VEZT: variants seen among roughly 807,000 people sequenced by gnomAD.
The protein encoded by VEZT is vezatin.
VEZT carries 39 observed loss-of-function variants against 79.9 expected under a neutral mutation model. The ratio of observed to expected loss-of-function variants is 0.49; its 90% CI spans 0.38 to 0.64. VEZT has a LOEUF of 0.64. Ranked by LOEUF, VEZT falls within the 30% of genes least tolerant of loss-of-function variation. VEZT has a pLI of 0.00. For missense variants in VEZT, 837 were observed against 893.1 expected, an observed-to-expected ratio of 0.94 and a Z score of 0.80; for synonymous variants, 325 against 327.6, an observed-to-expected ratio of 0.99 and a Z score of 0.09.
chr12:95,248,832 AAAAAAAG>A (rs1411863227), intron 1 of VEZT, among the ~76,000 whole-genome samples: 1 of 151,678 alleles, frequency 6.6e-6, no homozygotes. Flanking sequence ...AAAAAAAAAA[AAAAAAAG>A]AAAGAAAGAA....
At chr12:95,229,384 A>C (rs1297273647) in intron 1 of VEZT, among the ~76,000 whole-genome samples, 1 of 152,186 alleles carries the variant, frequency 6.6e-6, no homozygotes, top group African/African-American at 2.4e-5. Context: ...TTTTAAAAGC[A>C]TTGTGGAAAG....
intron 1 of VEZT, among the ~76,000 whole-genome samples, chr12:95,236,393 G>A (rs1228340598): frequency 6.6e-6 from 1 of 152,112 alleles, no homozygotes; most frequent in Non-Finnish European, 1.5e-5. Context: ...GCTTCGGCTC[G>A]GCATCAGAGG....
At chr12:95,259,386 G>C (rs1445238808) in intron 3 of VEZT, among the ~76,000 whole-genome samples, 1 of 152,104 alleles carries the variant, frequency 6.6e-6, no homozygotes, top group Non-Finnish European at 1.5e-5. Context: ...TTATTGCATA[G>C]ATAGTGACAA....
intron 1 of VEZT, among the ~76,000 whole-genome samples, chr12:95,240,985 A>T (rs2060932754): frequency 6.6e-6 from 1 of 152,014 alleles, no homozygotes; most frequent in Non-Finnish European, 1.5e-5. Context: ...TACACACTAG[A>T]TACCAGTAGC....
rs2140018437 is a variant in VEZT at position 95,301,204 on chromosome 12, A to G, written c.*531A>G. The G allele has an allele frequency of 1.3e-5, 2 of 152,356 alleles. No individual in the cohort carries two copies. The highest frequency in any genetic ancestry group is 4.1e-4 in the South Asian group (2 of 4,830). The allele number at this position is 152,356 out of a possible 1,614,324, so 9.4% of individuals were successfully genotyped here. A position where few individuals can be genotyped will look rare whatever the true frequency, so the allele number is the denominator to read the frequency against. On this transcript the variant is annotated 3_prime_UTR_variant, in exon 12 of 12. Transcript: ENST00000436874. ...TGTGCTGGGGTTTGGAACTAAAAGT[A>G]GTTTCAACAGTGCGTGGGTTATGAC...
At position 95,296,238 on chromosome 12, in the gene VEZT, A is replaced by G; in HGVS notation, c.1811A>G (p.Gln604Arg). 4 of 1,584,268 alleles carry G rather than the reference A, an allele frequency of 2.5e-6. No individual in the cohort carries two copies. Among genetic ancestry groups the G allele is most frequent in the Non-Finnish European group, 3.4e-6 (4 of 1,164,282 alleles). ...GAGGCAGAAAGGCAGAAGTGGAAGCAACTTCTATTTAGTGATCATGGTAAG... is the reference window on the plus strand; with the variant it reads ...GAGGCAGAAAGGCAGAAGTGGAAGCGACTTCTATTTAGTGATCATGGTAAG... ...ASEAERQKWK[Q>R]LLFSDHAVLK... Residue 604 changes from glutamine (Q) to arginine (R), a missense_variant, in exon 11 of 12, where the codon CAA (glutamine) becomes CGA (arginine). Physicochemically the swap from Gln to Arg is conservative, Grantham distance 43 (BLOSUM62 1). Coordinates refer to ENST00000436874, the MANE Select transcript of VEZT (RefSeq NM_017599.4).
intron 3 of VEZT, 104 bp downstream of exon 3, chr12:95,257,343 T>C (rs1353798810): frequency 4.6e-6 from 4 of 862,836 alleles, no homozygotes; most frequent in Non-Finnish European, 5.3e-6. Context: ...AGCAATTGAT[T>C]TTTACTAGAG....
intron 1 of VEZT, among the ~76,000 whole-genome samples, chr12:95,245,796 A>G (rs1368704204): frequency 6.6e-6 from 1 of 152,232 alleles, no homozygotes; most frequent in African/African-American, 2.4e-5. Context: ...CCAGAGAAAC[A>G]TAGCAAGACC....
chr12:95,270,119 A>G lies in VEZT; in HGVS notation c.779A>G (p.Lys260Arg). The G allele has an allele frequency of 6.2e-7, 1 of 1,612,098 alleles. No homozygotes were observed. The highest frequency in any genetic ancestry group is 8.5e-7 in the Non-Finnish European group (1 of 1,179,172). ...AGTCAGCATCTCATCGGTCTTCGGA[A>G]AGCTGTCTACCGAACTCTAAGAGCC... ...HPSQHLIGLR[K>R]AVYRTLRANF... The change falls in exon 6 of 12, where the codon AAA (lysine) becomes AGA (arginine). Residue 260 changes from lysine to arginine, a missense_variant. By Grantham distance (26) the Lys-to-Arg change is conservative (BLOSUM62 2). Coordinates refer to ENST00000436874, the MANE Select transcript of VEZT (RefSeq NM_017599.4).
intron 1 of VEZT, among the ~76,000 whole-genome samples, chr12:95,232,857 G>A (rs1299210012): frequency 1.3e-5 from 2 of 152,180 alleles, no homozygotes; most frequent in Non-Finnish European, 2.9e-5. Flanking sequence ...CCAGGCTGGA[G>A]TGCAGTGACG....
At chr12:95,245,286 G>A (rs917311494) in intron 1 of VEZT, among the ~76,000 whole-genome samples, 5 of 152,064 alleles carry the variant, frequency 3.3e-5, no homozygotes, top group African/African-American at 4.8e-5. Flanking sequence ...AGTGTCGTGA[G>A]TTTTGTTTTA....
chr12:95,253,395 C>T (rs1042591219), intron 2 of VEZT, among the ~76,000 whole-genome samples: 2 of 152,066 alleles, frequency 1.3e-5, no homozygotes, highest in African/African-American at 4.8e-5. Context: ...TGACTAACAC[C>T]CAGAAGGTGA....
intron 1 of VEZT, among the ~76,000 whole-genome samples, chr12:95,227,947 ATCTTTTAC>A (rs1332506792): frequency 2.6e-5 from 4 of 152,178 alleles, no homozygotes; most frequent in Admixed American, 6.5e-5. Flanking sequence ...TATTAAAGGG[ATCTTTTAC>A]TCAAATCTCT....
rs191082398 is a variant in VEZT at position 95,233,333 on chromosome 12, C to T, written c.36+15447C>T. Among the ~76,000 whole-genome samples the T allele has an allele frequency of 1.4e-3, 220 of 152,138 alleles. 1 individual carries two copies. The highest frequency in any genetic ancestry group is 4.9e-3 in the African/African-American group (204 of 41,520). On this transcript the variant is annotated intron_variant, in intron 1 of 11. Transcript: ENST00000436874. Reference sequence around the variant, plus strand: ...ATCCCCCTTTTCCTTTGCAGGTCCACCTTTCTCCACAGAAGTACCACTGTA... The same window carrying T: ...ATCCCCCTTTTCCTTTGCAGGTCCATCTTTCTCCACAGAAGTACCACTGTA...
chr12:95,265,296 T>C (rs2065324738), intron 4 of VEZT, among the ~76,000 whole-genome samples: 1 of 151,988 alleles, frequency 6.6e-6, no homozygotes, highest in Admixed American at 6.6e-5. Context: ...AGTATAAAAG[T>C]ACAAACCTTG....
In VEZT at chr12:95,279,615, C is replaced by T. The variant is rs1593935797; in HGVS notation, c.997-2698C>T. On this transcript the variant is annotated intron_variant, in intron 7 of 11. Coordinates refer to ENST00000436874, the MANE Select transcript of VEZT (RefSeq NM_017599.4). ...TGGATGACAAATTAGTCTTTAGAGA[C>T]AAGGTCTTGCTCAGTCACACAGCTG... 2.0e-5 allele frequency among the ~76,000 whole-genome samples: 3 copies of T among 152,304 alleles called. No individual in the cohort carries two copies. In the South Asian group the frequency reaches 6.2e-4, roughly 32 times the overall value.
intron 7 of VEZT, among the ~76,000 whole-genome samples, chr12:95,276,485 G>T (rs998862161): frequency 6.6e-6 from 1 of 151,748 alleles, no homozygotes; most frequent in Non-Finnish European, 1.5e-5. Flanking sequence ...GCCCAGGCTG[G>T]TCTAAAACTC....
intron 11 of VEZT, chr12:95,299,778 G>T (rs1218146723): frequency 6.5e-6 from 1 of 154,088 alleles, no homozygotes; most frequent in African/African-American, 2.4e-5. Context: ...AATATAGCTG[G>T]TCCCTACTCC....
chr12:95,300,489 A>G lies in VEZT; in HGVS notation c.2156A>G (p.Gln719Arg). 6.2e-7 allele frequency: 1 copy of G among 1,614,006 alleles called. No individual in the cohort carries two copies. Among genetic ancestry groups the G allele is most frequent in the Non-Finnish European group, 8.5e-7 (1 of 1,179,894 alleles). ...TAPPTPRDSLQPSIKQRLARL... is the reference protein window; with the variant it reads ...TAPPTPRDSLRPSIKQRLARL... ...CCTCCAACTCCCAGGGACTCATTAC[A>G]GCCCTCCATTAAGCAGAGGCTGGCA... The change falls in exon 12 of 12, where the codon CAG (glutamine) becomes CGG (arginine). Residue 719 changes from glutamine to arginine, a missense_variant. Transcript: ENST00000436874.
Sources: gnomAD v4.1 joint callset for allele counts (sites outside exome capture counted in the v4.1 genomes callset) on GRCh38, gnomAD v4.1.1 for gene constraint, MANE v1.5 for transcripts, NCBI Gene and HGNC (gene_info 2026-07-23, HGNC 2026-07-21) for gene names.